Variants in VPS8 observed in about 807,000 individuals in gnomAD.
The protein encoded by VPS8 is vacuolar protein sorting-associated protein 8 homolog.
VPS8 carries 129 observed loss-of-function variants against 216.4 expected under a neutral mutation model. That is an observed-to-expected ratio of 0.60 (90% CI 0.52 to 0.69). The LOEUF (loss-of-function observed/expected upper bound fraction) is 0.69. VPS8 is among the 30% of genes least tolerant of loss of function. VPS8 has a pLI of 0.00. For synonymous variants in VPS8, 571 were observed against 565.4 expected (o/e 1.01, Z -0.14); for missense variants, 1,531 against 1,683.5 (o/e 0.91, Z 1.59).
intron 3 of VPS8, among the ~76,000 whole-genome samples, chr3:184,826,639 A>C (rs1718843098): frequency 6.6e-6 from 1 of 152,234 alleles, no homozygotes; most frequent in Non-Finnish European, 1.5e-5. Flanking sequence ...TATTTTATTA[A>C]GTGAATTGAG....
At chr3:185,026,056 C>A (rs6775591) in intron 46 of VPS8, among the ~76,000 whole-genome samples, 13,478 of 152,168 alleles carry the variant, frequency 0.089, 644 homozygotes, top group African/African-American at 0.094. Context: ...AGCTCCTAAT[C>A]AGATGTCCTC....
chr3:184,940,364 A>G (rs1455562367), intron 36 of VPS8, 121 bp downstream of exon 36: 2 of 296,298 alleles, frequency 6.7e-6, no homozygotes, highest in African/African-American at 2.2e-5. Flanking sequence ...AATTTTTTAT[A>G]TTAGTAGGAG....
chr3:184,924,988 G>A lies in VPS8; in HGVS notation c.2574+7G>A. ...CAGAACACTTTTTGATCAGGTAAGTGTCTAGCAGTGAAAACTAAAAGGTTT... is the reference window on the plus strand; with the variant it reads ...CAGAACACTTTTTGATCAGGTAAGTATCTAGCAGTGAAAACTAAAAGGTTT... On this transcript the variant is annotated splice_region_variant and intron_variant, in intron 30 of 47. Coordinates refer to ENST00000625842, the MANE Select transcript of VPS8 (RefSeq NM_001009921.3). The A allele has an allele frequency of 6.2e-7, 1 of 1,611,450 alleles. No homozygotes were observed. The highest frequency in any genetic ancestry group is 8.5e-7 in the Non-Finnish European group (1 of 1,178,952).
At chr3:184,855,920 GGA>G (rs1725164645) in intron 14 of VPS8, 102 bp downstream of exon 14, 3 of 873,920 alleles carry the variant, frequency 3.4e-6, no homozygotes, top group Non-Finnish European at 5.2e-6. Flanking sequence ...CTAAGTCTTT[GGA>G]GAGAGAGTGA....
chr3:185,042,487 G>A (rs1711884330), intron 46 of VPS8, among the ~76,000 whole-genome samples: 1 of 152,232 alleles, frequency 6.6e-6, no homozygotes, highest in Non-Finnish European at 1.5e-5. Context: ...GCCCCTGGAA[G>A]GGGGTCAGTC....
intron 25 of VPS8, among the ~76,000 whole-genome samples, chr3:184,902,888 A>G (rs1330174897): frequency 6.6e-6 from 1 of 151,642 alleles, no homozygotes; most frequent in Admixed American, 6.6e-5. Flanking sequence ...TTTCTCCTAC[A>G]TTTTCTTATA....
chr3:185,039,906 A>G (rs1759412778), intron 46 of VPS8, among the ~76,000 whole-genome samples: 1 of 152,180 alleles, frequency 6.6e-6, no homozygotes, highest in Non-Finnish European at 1.5e-5. Flanking sequence ...AGGAAGTTTC[A>G]GCATTTTAGC....
At chr3:184,985,593 G>C (rs904137939) in intron 42 of VPS8, among the ~76,000 whole-genome samples, 2 of 152,118 alleles carry the variant, frequency 1.3e-5, no homozygotes, top group African/African-American at 4.8e-5. Flanking sequence ...CTTAATCTGT[G>C]TAAGAGCAGA....
At chr3:184,860,346 TA>T (rs11478298) in intron 15 of VPS8, among the ~76,000 whole-genome samples, 65,939 of 146,128 alleles carry the variant, frequency 0.45, 15,302 homozygotes, top group East Asian at 0.67. Context: ...CCCTGTCTCT[TA>T]AAAAAAAAAA....
chr3:184,833,715 C>T (rs1400038543), intron 4 of VPS8, among the ~76,000 whole-genome samples: 2 of 152,188 alleles, frequency 1.3e-5, no homozygotes, highest in African/African-American at 4.8e-5. Context: ...ACCCCAGACA[C>T]ACTGTACACC....
intron 11 of VPS8, 89 bp downstream of exon 11, chr3:184,852,656 C>T (rs879805474): frequency 4.0e-6 from 5 of 1,252,862 alleles, no homozygotes; most frequent in African/African-American, 3.0e-5. Flanking sequence ...ACTAGAAAGC[C>T]CCTGTAATTG....
chr3:184,830,241 T>G (rs1719707309), intron 3 of VPS8, among the ~76,000 whole-genome samples: 1 of 152,172 alleles, frequency 6.6e-6, no homozygotes, highest in Non-Finnish European at 1.5e-5. Context: ...GTCACCTTTG[T>G]TATAAATCAG....
intron 7 of VPS8, among the ~76,000 whole-genome samples, chr3:184,842,209 AG>A (rs1722312371): frequency 6.7e-6 from 1 of 149,484 alleles, no homozygotes; most frequent in South Asian, 2.1e-4. Context: ...AAAAAAAAAA[AG>A]AATATGTGAC....
chr3:185,042,802 A>T (rs34829829), intron 46 of VPS8, among the ~76,000 whole-genome samples: 3 of 152,102 alleles, frequency 2.0e-5, no homozygotes, highest in Non-Finnish European at 4.4e-5. Flanking sequence ...AAAAAAATAT[A>T]TAATGAGATG....
intron 1 of VPS8, chr3:184,817,111 A>G (rs755230892): frequency 8.5e-5 from 13 of 152,218 alleles, no homozygotes; most frequent in Non-Finnish European, 1.6e-4. Flanking sequence ...ATTTAAAAAT[A>G]TCTCTCCTAG....
Position 184,913,510 on chromosome 3 carries a change from C to G in VPS8, c.2147-9C>G, listed in dbSNP as rs1303089370. On this transcript the variant is annotated splice_polypyrimidine_tract_variant and intron_variant, in intron 25 of 47. Transcript: ENST00000625842. Reference sequence around the variant, plus strand: ...AAAATTGCTGAAGATACTTCTCTTTCTATTTTAGATGAACAAGTTGTTATG... The same window carrying G: ...AAAATTGCTGAAGATACTTCTCTTTGTATTTTAGATGAACAAGTTGTTATG... 3 of 1,580,552 alleles carry G rather than the reference C, an allele frequency of 1.9e-6. No individual in the cohort carries two copies. The highest frequency in any genetic ancestry group is 2.6e-6 in the Non-Finnish European group (3 of 1,165,726).
At chr3:185,043,964 C>T (rs1157570305) in intron 46 of VPS8, among the ~76,000 whole-genome samples, 2 of 152,032 alleles carry the variant, frequency 1.3e-5, no homozygotes, top group African/African-American at 2.4e-5. Flanking sequence ...CCGAGGCAGG[C>T]GGATCACCAG....
chr3:184,927,660 C>G (rs974572590), intron 31 of VPS8, among the ~76,000 whole-genome samples: 3 of 152,128 alleles, frequency 2.0e-5, no homozygotes, highest in African/African-American at 7.2e-5. Flanking sequence ...GTACAATCCT[C>G]ATCACCATCC....
chr3:184,928,376 T>C (rs781442755), intron 31 of VPS8, 75 bp from the exon 32 acceptor site: 42 of 1,321,354 alleles, frequency 3.2e-5, no homozygotes, highest in Non-Finnish European at 4.2e-5. Context: ...AATGTTATAG[T>C]CTGCATGGCT....
Sources: gnomAD v4.1 joint callset for allele counts (sites outside exome capture counted in the v4.1 genomes callset) on GRCh38, gnomAD v4.1.1 for gene constraint, MANE v1.5 for transcripts, NCBI Gene and HGNC (gene_info 2026-07-23, HGNC 2026-07-21) for gene names.